ASPM: variants seen among roughly 807,000 people sequenced by gnomAD.
The protein encoded by ASPM is abnormal spindle-like microcephaly-associated protein.
A neutral mutation model predicts 366.4 loss-of-function variants in ASPM; 256 were observed. The ratio of observed to expected loss-of-function variants is 0.70; its 90% confidence interval spans 0.63 to 0.77. ASPM has a LOEUF of 0.77. Among genes scored for constraint, ASPM ranks in the 30% least tolerant of loss-of-function variants. The pLI, the probability that ASPM is intolerant of heterozygous loss-of-function variation, is 0.00. For missense variants in ASPM, 4,146 were observed against 4,090.4 expected (o/e 1.01, Z -0.37); for synonymous variants, 1,414 against 1,342.9 (o/e 1.05, Z -1.16).
chr1:197,124,985 A>T, intron 11 of ASPM, 30 bp from the exon 12 acceptor site: 1 of 1,607,120 alleles, frequency 6.2e-7, no homozygotes, highest in Non-Finnish European at 8.5e-7. Flanking sequence ...CCATTAGCAT[A>T]ATGTACGCAC....
chr1:197,104,569 C>A lies in ASPM; in HGVS notation c.4682G>T (p.Arg1561Ile), dbSNP rs772867816. 1.4e-5 allele frequency: 22 copies of A among 1,612,736 alleles called. No homozygotes were observed. Among genetic ancestry groups the A allele is most frequent in the Non-Finnish European group, 1.7e-5 (20 of 1,179,428 alleles). Residue 1561 changes from arginine (R) to isoleucine (I), a missense_variant, in exon 18 of 28, where the codon AGA (arginine) becomes ATA (isoleucine). By Grantham distance (97) the Arg-to-Ile change is moderately conservative. Coordinates refer to ENST00000367409, the MANE Select transcript of ASPM (RefSeq NM_018136.5). ...LKAHNLCRQI[R>I]AACVIQSYWR... Reference sequence around the variant, plus strand: ...GTATGACTGAATAACACAAGCAGCTCTAATTTGTCTACATAAATTATGAGC... The same window carrying A: ...GTATGACTGAATAACACAAGCAGCTATAATTTGTCTACATAAATTATGAGC...
At chr1:197,131,776 GT>G (rs1189632764) in intron 7 of ASPM, among the ~76,000 whole-genome samples, 1 of 151,730 alleles carries the variant, frequency 6.6e-6, no homozygotes, top group Non-Finnish European at 1.5e-5. Context: ...AGCCAGGATG[GT>G]CTCCATCTCC....
rs1657181012 is a variant in ASPM at position 197,101,526 on chromosome 1, C to T, written c.7725G>A (p.Lys2575=). The T allele has an allele frequency of 3.7e-6, 6 of 1,609,256 alleles. No homozygotes were observed. The South Asian group carries it at 6.6e-5, about 18-fold the overall frequency. The change falls in exon 18 of 28, where the codon AAG becomes AAA. Residue 2575 remains lysine, a synonymous_variant. Coordinates refer to ENST00000367409, the MANE Select transcript of ASPM (RefSeq NM_018136.5). The part of the protein sequence containing the change: ...RMYRQYCFYQ[K]LQWATKIIQE... ...GTATGATTTTTGTAGCCCACTGAAG[C>T]TTTTGGTAGAAACAATACTGCCTAT...
rs1657945795 is a variant in ASPM, at chr1:197,122,565, C to T, written c.3421G>A (p.Gly1141Ser). 1.2e-6 allele frequency: 2 copies of T among 1,610,844 alleles called. No homozygotes were observed. Among genetic ancestry groups the T allele is most frequent in the African/African-American group, 1.3e-5 (1 of 74,806 alleles). ...TGGATCAGGTAACATAACACACGGCCGTCTGAGAAAGACACTGTAAAATTC... is the reference window on the plus strand; with the variant it reads ...TGGATCAGGTAACATAACACACGGCTGTCTGAGAAAGACACTGTAAAATTC... ...VENFTVSFSD[G>S]RVLCYLIHHY... Residue 1141 changes from glycine (G) to serine (S), a missense_variant, in exon 14 of 28, where the codon GGC becomes AGC. Physicochemically the swap from Gly to Ser is moderately conservative, Grantham distance 56. This residue lies in a region of ASPM where 3,624 missense variants were observed against 3,591.7 expected (regional missense o/e 1.01). Transcript: ENST00000367409.
chr1:197,144,303 C>T (rs1160584525), intron 1 of ASPM, among the ~76,000 whole-genome samples: 3 of 152,062 alleles, frequency 2.0e-5, no homozygotes, highest in Non-Finnish European at 4.4e-5. Flanking sequence ...ACAGGGTTCA[C>T]AACAAAATAA....
intron 17 of ASPM, 132 bp downstream of exon 17, chr1:197,117,657 A>G: frequency 1.3e-6 from 1 of 796,154 alleles, no homozygotes; most frequent in Non-Finnish European, 2.0e-6. Flanking sequence ...CAGGTAGTAA[A>G]TATTTGTTAA....
chr1:197,138,827 TA>T, intron 4 of ASPM: 1 of 787,914 alleles, frequency 1.3e-6, no homozygotes, highest in Non-Finnish European at 2.2e-6. Flanking sequence ...CTTCATTTTA[TA>T]AAAAATCTAT....
chr1:197,101,700 A>T lies in ASPM; in HGVS notation c.7551T>A (p.Tyr2517Ter), dbSNP rs149228705. The T allele has an allele frequency of 2.5e-6, 4 of 1,612,040 alleles. No individual in the cohort carries two copies. Among genetic ancestry groups the T allele is most frequent in the African/African-American group, 2.7e-5 (2 of 74,884 alleles). Residue 2517 changes from tyrosine (Y) to a stop codon, truncating the protein, a stop_gained, in exon 18 of 28, where the codon TAT (tyrosine) becomes TAA (stop). Coordinates refer to ENST00000367409, the MANE Select transcript of ASPM (RefSeq NM_018136.5). LOFTEE classifies it high-confidence loss of function. ...TTTCTCTTTGTAATTTTGCAGCTCT[A>T]TATGTTCGATAATGTTGCTGAATTA... The part of the protein sequence containing the change: ...SILIQQHYRT[Y>*]RAAKLQRENY...
chr1:197,142,027 T>C (rs1658599337), intron 3 of ASPM, among the ~76,000 whole-genome samples: 1 of 152,208 alleles, frequency 6.6e-6, no homozygotes, highest in Admixed American at 6.5e-5. Context: ...TGTTCATTTA[T>C]TCACTTATCC....
intron 18 of ASPM, among the ~76,000 whole-genome samples, chr1:197,096,939 T>G (rs1321097398): frequency 1.3e-5 from 2 of 151,772 alleles, no homozygotes; most frequent in African/African-American, 4.8e-5. Flanking sequence ...AAGGACTTGT[T>G]AGCATATAGC....
At chr1:197,095,964 CTT>C (rs894349988) in intron 19 of ASPM, 32 bp downstream of exon 19, 2 of 1,561,148 alleles carry the variant, frequency 1.3e-6, no homozygotes, top group Non-Finnish European at 1.8e-6. Context: ...CACACAAATA[CTT>C]TTACACTCTC....
At chr1:197,106,091 T>G (rs1046852368) in intron 17 of ASPM, among the ~76,000 whole-genome samples, 9 of 152,000 alleles carry the variant, frequency 5.9e-5, no homozygotes, top group Non-Finnish European at 1.2e-4. Flanking sequence ...CGCTCTCCTA[T>G]AGCAGTATCG....
chr1:197,132,465 AAG>A (rs1658288060), intron 6 of ASPM, 113 bp from the exon 7 acceptor site: 1 of 804,982 alleles, frequency 1.2e-6, no homozygotes, highest in South Asian at 1.6e-5. Context: ...TATATGAAAT[AAG>A]TTAATTTAAA....
Position 197,096,063 on chromosome 1 carries a change from A to C in ASPM, c.8922T>G (p.Tyr2974Ter), listed in dbSNP as rs1656964876. The stretch of plus-strand genomic sequence containing the variant: ...TTTTAACAGCTTTTAATATAGCTAG[A>C]TATTCTTTGTGTGCTCTCCAACATC... ...WYRCWRAHKE[Y>*]LAILKAVKII... is the part of the protein sequence containing the mutation. The change falls in exon 19 of 28, where the codon TAT (tyrosine) becomes TAG (stop). Residue 2974 changes from tyrosine (Y) to a stop codon, truncating the protein, a stop_gained. Coordinates refer to ENST00000367409, the MANE Select transcript of ASPM (RefSeq NM_018136.5). LOFTEE classifies it high-confidence loss of function. 6.2e-7 allele frequency: 1 copy of C among 1,609,282 alleles called. No homozygotes were observed. The highest frequency in any genetic ancestry group is 8.5e-7 in the Non-Finnish European group (1 of 1,176,332).
At position 197,124,110 on chromosome 1, in the gene ASPM, C is replaced by T. The variant is rs775402156; in HGVS notation, c.3390G>A (p.Lys1130=). The T allele has an allele frequency of 3.7e-6, 6 of 1,604,010 alleles. No homozygotes were observed. Among genetic ancestry groups the T allele is most frequent in the South Asian group, 1.1e-5 (1 of 90,114 alleles). ...TAAAACAAAAAACAAAGAAACTTACCTTTTTATTATAGAAGGCACAAACAG... is the reference window on the plus strand; with the variant it reads ...TAAAACAAAAAACAAAGAAACTTACTTTTTTATTATAGAAGGCACAAACAG... ...VNAVCAFYNK[K]VENFTVSFSD... The change falls in exon 13 of 28, where the codon AAG becomes AAA. Residue 1130 remains lysine, a splice_region_variant and synonymous_variant. Transcript: ENST00000367409.
Position 197,102,555 on chromosome 1 carries a change from TTGTA to T in ASPM, c.6692_6695del (p.Ile2231AsnfsTer8), listed in dbSNP as rs1444204519. 5.6e-6 allele frequency: 9 copies of T among 1,612,356 alleles called. No individual in the cohort carries two copies. The highest frequency in any genetic ancestry group is 7.6e-6 in the Non-Finnish European group (9 of 1,179,118). ...GCCTCAGTTTGTTATACCTTTGAAA[TTGTA>T]TGTTTCTTTCTTTCATTGCCCAGTA... On this transcript the variant is annotated frameshift_variant, in exon 18 of 28. Transcript: ENST00000367409. LOFTEE classifies it high-confidence loss of function.
Position 197,103,469 on chromosome 1 carries a change from GGAT to G in ASPM, c.5779_5781del (p.Ile1927del). 6.2e-7 allele frequency: 1 copy of G among 1,613,278 alleles called. No homozygotes were observed. The highest frequency in any genetic ancestry group is 2.2e-5 in the East Asian group (1 of 44,846). On this transcript the variant is annotated inframe_deletion, in exon 18 of 28. Coordinates refer to ENST00000367409, the MANE Select transcript of ASPM (RefSeq NM_018136.5). ...GCAGTCCATGCTCTGAAATTTTGCT[GGAT>G]GACTAATGCTGCTGTTTTAAACAAT...
intron 8 of ASPM, among the ~76,000 whole-genome samples, chr1:197,129,644 A>T (rs1658201006): frequency 6.6e-6 from 1 of 152,160 alleles, no homozygotes; most frequent in African/African-American, 2.4e-5. Context: ...CGTAGGTGTT[A>T]GATATACAGT....
At chr1:197,120,375 C>T (rs1430535457) in intron 16 of ASPM, among the ~76,000 whole-genome samples, 2 of 151,846 alleles carry the variant, frequency 1.3e-5, no homozygotes, top group African/African-American at 4.8e-5. Flanking sequence ...ACAAAAAATA[C>T]AAAAATTAGC....
Sources: allele counts gnomAD v4.1 joint callset (sites outside exome capture counted in the v4.1 genomes callset), GRCh38; gene constraint gnomAD v4.1.1; regional missense constraint gnomAD v4.1.1; transcripts MANE v1.5; gene names NCBI Gene and HGNC (gene_info 2026-07-23, HGNC 2026-07-21).